The following HOXA10 variants were observed in gnomAD, a reference collection of about 807,000 sequenced individuals.
HOXA10 encodes homeobox A10, also known as homeobox protein Hox-A10.
HOXA10 carries 12 observed loss-of-function variants against 29.7 expected under a neutral mutation model. The ratio of observed to expected loss-of-function variants is 0.40; its 90% CI spans 0.26 to 0.65. The LOEUF is 0.65. Ranked by LOEUF, HOXA10 falls within the 30% of genes least tolerant of loss-of-function variation. The pLI, the probability that HOXA10 is intolerant of heterozygous loss-of-function variation, is 0.37. For synonymous variants in HOXA10, 327 were observed against 280.7 expected (o/e 1.16, Z -1.65); for missense variants, 656 against 585.9 (o/e 1.12, Z -1.24).
upstream of HOXA10, among the ~76,000 whole-genome samples, chr7:27,177,427 C>A (rs868640910): frequency 3.3e-5 from 5 of 152,112 alleles, no homozygotes; most frequent in Admixed American, 2.0e-4. Flanking sequence ...GGAAACGCAG[C>A]GAGACACTGC....
chr7:27,177,305 G>C (rs1364866683), upstream of HOXA10, among the ~76,000 whole-genome samples: 1 of 152,194 alleles, frequency 6.6e-6, no homozygotes, highest in East Asian at 1.9e-4. Flanking sequence ...AACCAAACGG[G>C]ATGTTGGGCT....
rs369532921 is a variant in HOXA10, at chr7:27,173,413, G to T, written c.894C>A (p.Ala298=). The change falls in exon 1 of 2, where the codon GCC becomes GCA. Residue 298 remains alanine, a synonymous_variant. Coordinates refer to ENST00000283921, the MANE Select transcript of HOXA10 (RefSeq NM_018951.4). ...GDEEAHASSS[A]AEELSPAPSE... is the part of the protein sequence containing the mutation. ...AAGGGGCCGGGGAGAGCTCCTCCGC[G>T]GCCGAGGACGACGCGTGCGCCTCCT... The T allele has an allele frequency of 1.2e-6, 2 of 1,609,232 alleles. No individual in the cohort carries two copies. Among genetic ancestry groups the T allele is most frequent in the East Asian group, 2.2e-5 (1 of 44,676 alleles).
intron 1 of HOXA10, 52 bp downstream of exon 1, chr7:27,173,297 T>G: frequency 6.2e-7 from 1 of 1,607,248 alleles, no homozygotes; most frequent in Non-Finnish European, 8.5e-7. Context: ...CTTCTCCTCC[T>G]TGTGTCTGCC....
chr7:27,177,740 G>T (rs6970537), upstream of HOXA10, among the ~76,000 whole-genome samples: 2 of 151,824 alleles, frequency 1.3e-5, no homozygotes, highest in African/African-American at 4.8e-5. Context: ...TTCCTCCCTC[G>T]TGCTCATTTG....
At position 27,171,908 on chromosome 7, in the gene HOXA10, A is replaced by G. The variant is rs1336130174; in HGVS notation, c.1224T>C (p.Asn408=). 3 of 1,614,162 alleles carry G rather than the reference A, an allele frequency of 1.9e-6. No individual in the cohort carries two copies. The highest frequency in any genetic ancestry group is 2.5e-6 in the Non-Finnish European group (3 of 1,180,036). ...NRIRELTANF[N]FS ...GTCGCCTGGAGATTCATCAGGAAAAATTAAAGTTGGCTGTGAGCTCCCGGA... is the reference window on the plus strand; with the variant it reads ...GTCGCCTGGAGATTCATCAGGAAAAGTTAAAGTTGGCTGTGAGCTCCCGGA... The change falls in exon 2 of 2, where the codon AAT becomes AAC. Residue 408 remains asparagine (N), a synonymous_variant. Transcript: ENST00000283921.
In HOXA10 at chr7:27,172,025, A is replaced by G. The variant is rs139052690; in HGVS notation, c.1107T>C (p.Ile369=). ...TGTCCGTGAGGTGGACGCTGCGGCT[A>G]ATCTCTAGGCGCCGCTCTCGAGTAA... is the stretch of plus-strand genomic sequence containing the variant. ...MYLTRERRLE[I]SRSVHLTDRQ... Residue 369 remains isoleucine (I), a synonymous_variant, in exon 2 of 2, where the codon ATT becomes ATC. Coordinates refer to ENST00000283921, the MANE Select transcript of HOXA10 (RefSeq NM_018951.4). The G allele has an allele frequency of 1.9e-6, 3 of 1,613,834 alleles. No individual in the cohort carries two copies. The African/African-American group carries it at 4.0e-5, about 22-fold the overall frequency.
At chr7:27,179,860 C>G in exon 1 of HOXA10, 1 of 691,136 alleles carries the variant, frequency 1.4e-6, no homozygotes, top group Non-Finnish European at 2.6e-6. Flanking sequence ...AAGAATCATG[C>G]TGGGGTTCCC....
chr7:27,179,742 A>G (rs1042655576), exon 1 of HOXA10: 1 of 737,250 alleles, frequency 1.4e-6, no homozygotes, highest in South Asian at 1.5e-5. Flanking sequence ...TTAAATTACC[A>G]TACCAATCAC....
At chr7:27,179,732 T>C in exon 1 of HOXA10, 1 of 747,610 alleles carries the variant, frequency 1.3e-6, no homozygotes, top group Admixed American at 1.8e-5. Context: ...GCGCGTTGCT[T>C]TAAATTACCA....
chr7:27,175,775 A>G (rs1783643931), upstream of HOXA10, among the ~76,000 whole-genome samples: 1 of 152,176 alleles, frequency 6.6e-6, no homozygotes, highest in African/African-American at 2.4e-5. Context: ...AGCTGGCATT[A>G]CTGAACGCCG....
chr7:27,172,978 G>A (rs1783540832), intron 1 of HOXA10: 1 of 296,738 alleles, frequency 3.4e-6, no homozygotes. Flanking sequence ...CTGCGGGCGA[G>A]CTACTTTCCC....
upstream of HOXA10, chr7:27,174,409 T>C (rs1431681666): frequency 6.5e-6 from 10 of 1,547,836 alleles, no homozygotes; most frequent in African/African-American, 2.7e-5. Context: ...CACTCCCAGT[T>C]TGGTTTCGTA....
upstream of HOXA10, among the ~76,000 whole-genome samples, chr7:27,176,033 C>A (rs1228711602): frequency 1.3e-5 from 2 of 152,200 alleles, no homozygotes; most frequent in Non-Finnish European, 2.9e-5. Flanking sequence ...CCCAGAAGGC[C>A]GCTCCACCGC....
At position 27,172,170 on chromosome 7, in the gene HOXA10, T is replaced by C; in HGVS notation, c.962A>G (p.Asn321Ser). 1 of 1,613,866 alleles carries C rather than the reference T, an allele frequency of 6.2e-7. No individual in the cohort carries two copies. Among genetic ancestry groups the C allele is most frequent in the Non-Finnish European group, 8.5e-7 (1 of 1,180,032 alleles). ...GTTGGCTGCGTTTTCACCTTTGGAA[T>C]TGCCTGGCATGTAAGAGAATAAAGA... Reference protein sequence around the residue: ...KASPEKDSLGNSKGENAANWL... With the variant: ...KASPEKDSLGSSKGENAANWL... Residue 321 changes from asparagine to serine, a missense_variant, in exon 2 of 2, where the codon AAT becomes AGT. Physicochemically the swap from Asn to Ser is conservative, Grantham distance 46 (BLOSUM62 1). Around this residue, in one of 2 missense-constraint regions of HOXA10, gnomAD observed 594 missense variants for 491.9 expected, o/e 1.21. Transcript: ENST00000283921.
At position 27,173,613 on chromosome 7, in the gene HOXA10, C is replaced by A; in HGVS notation, c.694G>T (p.Gly232Cys). The A allele has an allele frequency of 6.5e-7, 1 of 1,533,014 alleles. No homozygotes were observed. Among genetic ancestry groups the A allele is most frequent in the Non-Finnish European group, 8.8e-7 (1 of 1,141,054 alleles). The allele number at this position is 1,533,014 out of a possible 1,614,324, so 95.0% of individuals were successfully genotyped here. A position where few individuals can be genotyped will look rare whatever the true frequency, so the allele number is the denominator to read the frequency against. The change falls in exon 1 of 2, where the codon GGC (glycine) becomes TGC (cysteine). Residue 232 changes from glycine to cysteine, a missense_variant. By Grantham distance (159) the Gly-to-Cys change is radical. Around this residue, in one of 2 missense-constraint regions of HOXA10, gnomAD observed 594 missense variants for 491.9 expected, o/e 1.21. Transcript: ENST00000283921. ...GGGCCAGCCCCGAGTTGCTGCGCGC[C>A]GCCGCCGCCGCTGCCATAGCCCTTG... is the stretch of plus-strand genomic sequence containing the variant. ...TAKGYGSGGG[G>C]AQQLGAGPFP...
upstream of HOXA10, chr7:27,175,283 C>A (rs530591565): frequency 6.6e-6 from 1 of 152,436 alleles, no homozygotes; most frequent in East Asian, 1.9e-4. Flanking sequence ...GGGGTGTGCC[C>A]GGTGTACACC....
At chr7:27,172,649 T>C (rs1783529679) in intron 1 of HOXA10, 1 of 200,240 alleles carries the variant, frequency 5.0e-6, no homozygotes, top group South Asian at 8.0e-5. Context: ...AAGGGCATCA[T>C]TGGTCCAATG....
intron 1 of HOXA10, among the ~76,000 whole-genome samples, chr7:27,179,489 T>TC (rs1783714152): frequency 6.6e-6 from 1 of 152,132 alleles, no homozygotes; most frequent in Non-Finnish European, 1.5e-5. Context: ...TACTTAGGCC[T>TC]CCCCCTGCTT....
In HOXA10 at chr7:27,173,896, G is replaced by A. The variant is rs1326875336; in HGVS notation, c.411C>T (p.Pro137=). The A allele has an allele frequency of 6.5e-7, 1 of 1,534,468 alleles. No individual in the cohort carries two copies. Among genetic ancestry groups the A allele is most frequent in the Non-Finnish European group, 8.8e-7 (1 of 1,142,076 alleles). The part of the protein sequence containing the change: ...MEPPDGPPPP[P]QQQPPPPPQP... ...GCGGCGGGGGCGGCGGCTGCTGCTG[G>A]GGCGGCGGCGGCGGCCCGTCAGGCG... Residue 137 remains proline (P), a synonymous_variant, in exon 1 of 2, where the codon CCC becomes CCT. Coordinates refer to ENST00000283921, the MANE Select transcript of HOXA10 (RefSeq NM_018951.4).
Sources: gnomAD v4.1 joint callset for allele counts (sites outside exome capture counted in the v4.1 genomes callset) on GRCh38, gnomAD v4.1.1 for gene constraint, gnomAD v4.1.1 regional missense constraint, MANE v1.5 for transcripts, NCBI Gene and HGNC (gene_info 2026-07-23, HGNC 2026-07-21) for gene names.